The following FSTL1 variants were observed in gnomAD, a reference collection of about 807,000 sequenced individuals.
FSTL1 encodes follistatin-related protein 1.
Under a neutral mutation model 45.9 loss-of-function variants are expected in FSTL1, and 24 were observed. That is an observed-to-expected ratio of 0.52 (90% confidence interval 0.38 to 0.74). The LOEUF (loss-of-function observed/expected upper bound fraction) is 0.74. Ranked by LOEUF, FSTL1 falls within the 30% of genes least tolerant of loss-of-function variation. The pLI, the probability that FSTL1 is intolerant of heterozygous loss-of-function variation, is 0.00. For synonymous variants in FSTL1, 120 were observed against 137.6 expected, an observed-to-expected ratio of 0.87 and a Z score of 0.89; for missense variants, 340 against 381.8, an observed-to-expected ratio of 0.89 and a Z score of 0.91.
intron 4 of FSTL1, among the ~76,000 whole-genome samples, chr3:120,411,607 G>C (rs1019904895): frequency 6.6e-6 from 1 of 152,252 alleles, no homozygotes; most frequent in Non-Finnish European, 1.5e-5. Flanking sequence ...TCCAGCTGCA[G>C]ACAGTGCTGA....
chr3:120,398,826 A>G (rs999303168), intron 10 of FSTL1, among the ~76,000 whole-genome samples: 37 of 152,336 alleles, frequency 2.4e-4, no homozygotes, highest in African/African-American at 8.4e-4. Flanking sequence ...GATATTCTAG[A>G]CGAAAGTAAT....
At chr3:120,414,528 G>A (rs1354868745) in intron 3 of FSTL1, among the ~76,000 whole-genome samples, 1 of 152,002 alleles carries the variant, frequency 6.6e-6, no homozygotes, top group African/African-American at 2.4e-5. Context: ...GGATGACAAT[G>A]GCGGCTTTGT....
At chr3:120,404,558 C>T (rs1270237715) in intron 7 of FSTL1, among the ~76,000 whole-genome samples, 1 of 152,176 alleles carries the variant, frequency 6.6e-6, no homozygotes, top group East Asian at 1.9e-4. Flanking sequence ...AAAACATCAC[C>T]CACAACATTC....
intron 6 of FSTL1, among the ~76,000 whole-genome samples, chr3:120,406,123 A>C (rs1419806797): frequency 6.6e-6 from 1 of 152,138 alleles, no homozygotes; most frequent in African/African-American, 2.4e-5. Flanking sequence ...GAAGGTGTGC[A>C]TGAAACAACT....
At chr3:120,412,187 T>C (rs565792750) in intron 3 of FSTL1, among the ~76,000 whole-genome samples, 1 of 152,334 alleles carries the variant, frequency 6.6e-6, no homozygotes, top group Non-Finnish European at 1.5e-5. Context: ...TGGCCCTTCA[T>C]GCCTATCCTG....
chr3:120,400,597 T>A (rs556642841), intron 9 of FSTL1, among the ~76,000 whole-genome samples: 1 of 152,350 alleles, frequency 6.6e-6, no homozygotes, highest in East Asian at 1.9e-4. Context: ...TCAAGTAGAA[T>A]GCTGACCATT....
intron 2 of FSTL1, among the ~76,000 whole-genome samples, chr3:120,426,024 C>G (rs532135235): frequency 6.6e-6 from 1 of 152,150 alleles, no homozygotes; most frequent in Non-Finnish European, 1.5e-5. Flanking sequence ...AATTCACATG[C>G]GATTCACAAT....
At chr3:120,403,777 T>C (rs9880550) in intron 7 of FSTL1, among the ~76,000 whole-genome samples, 63,307 of 151,348 alleles carry the variant, frequency 0.42, 13,964 homozygotes, top group Non-Finnish European at 0.49. Flanking sequence ...TGAAAGAATA[T>C]GAAGTTCAAG....
At position 120,398,518 on chromosome 3, in the gene FSTL1, C is replaced by A. The variant is rs116347001; in HGVS notation, c.882+1365G>T. On this transcript the variant is annotated intron_variant, in intron 10 of 10. Coordinates refer to ENST00000295633, the MANE Select transcript of FSTL1 (RefSeq NM_007085.5). ...TAATGGGAGTTCTTGTAGAAACAGC[C>A]CAGCTTCATCCCCACTCAGGCACTG... 3.5e-3 allele frequency among the ~76,000 whole-genome samples: 537 copies of A among 152,282 alleles called. 1 individual carries two copies. The highest frequency in any genetic ancestry group is 6.8e-3 in the Middle Eastern group (2 of 294).
intron 2 of FSTL1, among the ~76,000 whole-genome samples, chr3:120,418,023 A>G (rs1937216406): frequency 6.6e-6 from 1 of 152,244 alleles, no homozygotes; most frequent in African/African-American, 2.4e-5. Flanking sequence ...CTTGCAGAAA[A>G]GCCTGTGGCA....
chr3:120,418,791 G>T (rs892896519), intron 2 of FSTL1, among the ~76,000 whole-genome samples: 9 of 152,258 alleles, frequency 5.9e-5, no homozygotes, highest in Non-Finnish European at 8.8e-5. Flanking sequence ...TTGTTGTGAG[G>T]ATTAAACGGG....
chr3:120,435,382 C>G (rs1043585333), intron 2 of FSTL1, among the ~76,000 whole-genome samples: 1 of 152,210 alleles, frequency 6.6e-6, no homozygotes. Flanking sequence ...GAGTTTCCCA[C>G]GTGCATCACC....
chr3:120,416,307 C>G (rs916668113), intron 2 of FSTL1, among the ~76,000 whole-genome samples: 4 of 152,186 alleles, frequency 2.6e-5, no homozygotes, highest in Admixed American at 1.3e-4. Flanking sequence ...TTCCTTTCTT[C>G]TAAAAATGCT....
chr3:120,413,927 G>C (rs371489339), intron 3 of FSTL1, among the ~76,000 whole-genome samples: 3 of 151,822 alleles, frequency 2.0e-5, no homozygotes, highest in Non-Finnish European at 4.4e-5. Context: ...CAGTGCCTGC[G>C]ATTGCAGGCT....
intron 2 of FSTL1, among the ~76,000 whole-genome samples, chr3:120,418,892 G>C (rs1937232776): frequency 6.6e-6 from 1 of 152,208 alleles, no homozygotes; most frequent in Non-Finnish European, 1.5e-5. Flanking sequence ...TTCCCACTGA[G>C]ATGCTGTCAC....
At chr3:120,442,462 G>T (rs1320029728) in intron 2 of FSTL1, among the ~76,000 whole-genome samples, 3 of 152,170 alleles carry the variant, frequency 2.0e-5, no homozygotes, top group Non-Finnish European at 4.4e-5. Context: ...ATAACAAAAT[G>T]GGTTTGTTAC....
Position 120,403,981 on chromosome 3 carries a change from AAC to A in FSTL1, c.582-629_582-628del, listed in dbSNP as rs1491086573. On this transcript the variant is annotated intron_variant, in intron 7 of 10. Coordinates refer to ENST00000295633, the MANE Select transcript of FSTL1 (RefSeq NM_007085.5). ...CAAAACAAAAACAAAAACAAAAAAA[AAC>A]AAAAAACAAAACAAACAAAAAAAAA... Among the ~76,000 whole-genome samples, 617 of 114,292 alleles carry A rather than the reference AAC, an allele frequency of 5.4e-3. 7 individuals carry two copies. The highest frequency in any genetic ancestry group is 0.022 in the African/African-American group (597 of 27,720). The allele number at this position is 114,292 out of a possible 152,430, so 75.0% of individuals were successfully genotyped here.
chr3:120,449,258 T>C (rs1163965505), intron 2 of FSTL1, among the ~76,000 whole-genome samples: 1 of 152,188 alleles, frequency 6.6e-6, no homozygotes, highest in Middle Eastern at 3.2e-3. Context: ...AAAATCGGGA[T>C]AATAAAACCT....
chr3:120,400,848 C>T (rs1936810819), intron 9 of FSTL1, among the ~76,000 whole-genome samples: 1 of 152,202 alleles, frequency 6.6e-6, no homozygotes, highest in Non-Finnish European at 1.5e-5. Flanking sequence ...CGTGCTCAGG[C>T]CCCTGGGGCA....
Sources: gnomAD v4.1 joint callset for allele counts (sites outside exome capture counted in the v4.1 genomes callset) on GRCh38, gnomAD v4.1.1 for gene constraint, MANE v1.5 for transcripts, NCBI Gene and HGNC (gene_info 2026-07-23, HGNC 2026-07-21) for gene names.